ORC6: variants seen among roughly 807,000 people sequenced by gnomAD.
The protein encoded by ORC6 is origin recognition complex, subunit 6 homolog-like (yeast).
ORC6 carries 31 observed loss-of-function variants against 30.0 expected under a neutral mutation model. The observed-to-expected ratio is 1.03, with a 90% CI of 0.78 to 1.40. ORC6 has a LOEUF of 1.40. Among genes scored for constraint, ORC6 ranks in the 40% most tolerant of loss-of-function variants. The pLI, the probability that ORC6 is intolerant of heterozygous loss-of-function variation, is 0.00. For synonymous variants in ORC6, 136 were observed against 111.2 expected, an observed-to-expected ratio of 1.22 and a Z score of -1.40; for missense variants, 340 against 304.3, an observed-to-expected ratio of 1.12 and a Z score of -0.87.
Position 46,697,595 on chromosome 16 carries a change from C to T in ORC6, c.*10C>T. 1.9e-6 allele frequency: 3 copies of T among 1,613,796 alleles called. No individual in the cohort carries two copies. The highest frequency in any genetic ancestry group is 2.2e-5 in the East Asian group (1 of 44,878). ...GGCTACAGCAGAGTGATTTCAGCTTCCAAACTGGTATACATTCCAAACTGA... is the reference window on the plus strand; with the variant it reads ...GGCTACAGCAGAGTGATTTCAGCTTTCAAACTGGTATACATTCCAAACTGA... On this transcript the variant is annotated 3_prime_UTR_variant, in exon 7 of 7. Coordinates refer to ENST00000219097, the MANE Select transcript of ORC6 (RefSeq NM_014321.4).
Position 46,693,111 on chromosome 16 carries a change from C to T in ORC6, c.378C>T (p.Pro126=), listed in dbSNP as rs763188816. Residue 126 remains proline, a synonymous_variant, in exon 4 of 7, where the codon CCC becomes CCT. Coordinates refer to ENST00000219097, the MANE Select transcript of ORC6 (RefSeq NM_014321.4). ...KILKSYESSL[P]QTQQVDLDLS... ...CCTTTAGCTATGAGTCCAGTCTTCCCCAGACACAGCAAGTGGATCTTGACT... is the reference window on the plus strand; with the variant it reads ...CCTTTAGCTATGAGTCCAGTCTTCCTCAGACACAGCAAGTGGATCTTGACT... The T allele has an allele frequency of 1.1e-5, 17 of 1,610,848 alleles. No homozygotes were observed. The South Asian group carries it at 1.9e-4, about 18-fold the overall frequency.
In ORC6 at chr16:46,690,965, AGCGAACACACT is replaced by A; in HGVS notation, c.66-23_66-13del. 1 of 1,613,874 alleles carries A rather than the reference AGCGAACACACT, an allele frequency of 6.2e-7. No individual in the cohort carries two copies. Among genetic ancestry groups the A allele is most frequent in the Non-Finnish European group, 8.5e-7 (1 of 1,179,770 alleles). Reference sequence around the variant, plus strand: ...TTGAGCAAACTTCTGAATAAGTTGTAGCGAACACACTGCCCTTTTAACCAGGAAAGCAGAGG... The same window carrying A: ...TTGAGCAAACTTCTGAATAAGTTGTAGCCCTTTTAACCAGGAAAGCAGAGG... On this transcript the variant is annotated splice_polypyrimidine_tract_variant and intron_variant, in intron 1 of 6. Transcript: ENST00000219097.
At chr16:46,690,292 T>C (rs927564047) in intron 1 of ORC6, among the ~76,000 whole-genome samples, 4 of 152,114 alleles carry the variant, frequency 2.6e-5, no homozygotes, top group South Asian at 4.1e-4. Context: ...AGGAAAGATA[T>C]GGCAAGAGCA....
At chr16:46,696,602 C>T (rs1160151078) in intron 6 of ORC6, among the ~76,000 whole-genome samples, 3 of 152,186 alleles carry the variant, frequency 2.0e-5, no homozygotes, top group Non-Finnish European at 4.4e-5. Context: ...TTTAATACCA[C>T]CTACTGGCTA....
rs754832466 is a variant in ORC6, at chr16:46,689,728, G to A, written c.23G>A (p.Arg8His). ...GCCATGGGGTCGGAGCTGATCGGGC[G>A]CCTAGCCCCGCGCCTGGGCCTCGCC... MGSELIG[R>H]LAPRLGLAEP... Residue 8 changes from arginine to histidine, a missense_variant, in exon 1 of 7, where the codon CGC (arginine) becomes CAC (histidine). Arg to His is a conservative substitution (Grantham distance 29). Coordinates refer to ENST00000219097, the MANE Select transcript of ORC6 (RefSeq NM_014321.4). The A allele has an allele frequency of 6.2e-6, 10 of 1,601,972 alleles. No individual in the cohort carries two copies. Among genetic ancestry groups the A allele is most frequent in the Non-Finnish European group, 8.5e-6 (10 of 1,174,706 alleles).
chr16:46,697,359 T>C, intron 6 of ORC6, 99 bp from the exon 7 acceptor site: 1 of 1,106,284 alleles, frequency 9.0e-7, no homozygotes, highest in South Asian at 1.4e-5. Flanking sequence ...GTCATTTCAG[T>C]ATCTTTTCTA....
In ORC6 at chr16:46,698,357, T is replaced by A. The variant is rs1464501774; in HGVS notation, c.*772T>A. ...TTTTTATTTGACTAAATCAATATAT[T>A]GTACAGCCTAAGTTAATAAATGTTA... On this transcript the variant is annotated 3_prime_UTR_variant, in exon 7 of 7. Transcript: ENST00000219097. 2.3e-6 allele frequency: 1 copy of A among 428,864 alleles called. No homozygotes were observed. Among genetic ancestry groups the A allele is most frequent in the Admixed American group, 2.5e-5 (1 of 39,476 alleles). 26.6% of individuals were successfully genotyped at this position (428,864 alleles called of 1,614,324 possible).
At chr16:46,695,836 A>C in intron 5 of ORC6, 162 bp downstream of exon 5, 1 of 750,370 alleles carries the variant, frequency 1.3e-6, no homozygotes. Flanking sequence ...GATTCCATGA[A>C]TCTATGCCTG....
Position 46,696,754 on chromosome 16 carries a change from C to T in ORC6, c.631+669C>T, listed in dbSNP as rs180677688. Reference sequence around the variant, plus strand: ...CACTGCAGCCTCCGCCTCCTGAGCTCAAACCATCCTCCCACCTCAGCCTCC... The same window carrying T: ...CACTGCAGCCTCCGCCTCCTGAGCTTAAACCATCCTCCCACCTCAGCCTCC... On this transcript the variant is annotated intron_variant, in intron 6 of 6. Coordinates refer to ENST00000219097, the MANE Select transcript of ORC6 (RefSeq NM_014321.4). Among the ~76,000 whole-genome samples the T allele has an allele frequency of 3.6e-3, 555 of 152,300 alleles. 3 individuals are homozygous for T. The highest frequency in any genetic ancestry group is 0.024 in the Middle Eastern group (7 of 294).
intron 6 of ORC6, among the ~76,000 whole-genome samples, chr16:46,697,113 A>C (rs1966525718): frequency 6.6e-6 from 1 of 152,206 alleles, no homozygotes; most frequent in Admixed American, 6.5e-5. Context: ...AGCACCAGTT[A>C]AGTGCTTGAT....
intron 2 of ORC6, among the ~76,000 whole-genome samples, chr16:46,691,987 C>T (rs1015921356): frequency 1.3e-5 from 2 of 150,878 alleles, no homozygotes; most frequent in African/African-American, 2.4e-5. Flanking sequence ...CTCTCACCAC[C>T]CCGCCCCCTA....
chr16:46,693,806 CTTTTTT>C (rs1194005655), intron 4 of ORC6: 4 of 46,096 alleles, frequency 8.7e-5, no homozygotes, highest in African/African-American at 2.7e-4. Flanking sequence ...AACACTGTCT[CTTTTTT>C]TTTTTTTTTT....
rs375570215 is a variant in ORC6 at position 46,690,975 on chromosome 16, C to T, written c.66-16C>T. The T allele has an allele frequency of 1.2e-6, 2 of 1,613,984 alleles. No individual in the cohort carries two copies. The highest frequency in any genetic ancestry group is 1.7e-6 in the Non-Finnish European group (2 of 1,179,958). On this transcript the variant is annotated splice_polypyrimidine_tract_variant and intron_variant, in intron 1 of 6. Coordinates refer to ENST00000219097, the MANE Select transcript of ORC6 (RefSeq NM_014321.4). ...TTCTGAATAAGTTGTAGCGAACACA[C>T]TGCCCTTTTAACCAGGAAAGCAGAG...
intron 2 of ORC6, among the ~76,000 whole-genome samples, chr16:46,691,980 T>TCTCTCTCTCTCTCTCTC (rs1966449087): frequency 1.4e-5 from 2 of 147,918 alleles, no homozygotes; most frequent in Admixed American, 6.7e-5. Flanking sequence ...TCTCTCTCTC[T>TCTCTCTCTCTCTCTCTC]CACCACCCCG....
intron 6 of ORC6, among the ~76,000 whole-genome samples, chr16:46,696,429 A>G (rs1966518077): frequency 6.6e-6 from 1 of 152,192 alleles, no homozygotes; most frequent in Non-Finnish European, 1.5e-5. Context: ...CCCTAGTTGT[A>G]TAACAAGTCA....
At chr16:46,692,597 T>TGAGCCACCACGCCC in intron 3 of ORC6, 52 bp downstream of exon 3, 4 of 1,533,112 alleles carry the variant, frequency 2.6e-6, no homozygotes, top group Non-Finnish European at 3.6e-6. Context: ...AGGCCGGGCG[T>TGAGCCACCACGCCC]GGTGGCTCAC....
At chr16:46,691,218 G>A in intron 2 of ORC6, 98 bp downstream of exon 2, 1 of 1,113,870 alleles carries the variant, frequency 9.0e-7, no homozygotes, top group South Asian at 1.3e-5. Flanking sequence ...TCTTGTTTTA[G>A]AATTGTCCTG....
chr16:46,697,347 A>G, intron 6 of ORC6, 111 bp from the exon 7 acceptor site: 7 of 1,010,554 alleles, frequency 6.9e-6, no homozygotes, highest in East Asian at 2.6e-5. Flanking sequence ...CTGTTTCTCC[A>G]TGTCATTTCA....
At chr16:46,693,860 T>TA (rs1567274516) in intron 4 of ORC6, 11 of 141,012 alleles carry the variant, frequency 7.8e-5, no homozygotes, top group South Asian at 6.7e-4. Flanking sequence ...TTATTTTTTT[T>TA]TTTTTAATTT....
Sources: gnomAD v4.1 joint callset for allele counts (sites outside exome capture counted in the v4.1 genomes callset) on GRCh38, gnomAD v4.1.1 for gene constraint, MANE v1.5 for transcripts, NCBI Gene and HGNC (gene_info 2026-07-23, HGNC 2026-07-21) for gene names.